Variants in NTN1 observed in about 807,000 individuals in gnomAD.
The protein encoded by NTN1 is netrin-1.
A neutral mutation model predicts 54.2 loss-of-function variants in NTN1; 11 were observed. That is an observed-to-expected ratio of 0.20 (90% confidence interval 0.13 to 0.34). NTN1 has a LOEUF of 0.34. Ranked by LOEUF, NTN1 falls within the 10% of genes least tolerant of loss-of-function variation. The pLI is 1.00. For synonymous variants in NTN1, 371 were observed against 382.0 expected, an observed-to-expected ratio of 0.97 and a Z score of 0.33; for missense variants, 740 against 893.1, an observed-to-expected ratio of 0.83 and a Z score of 2.18.
At chr17:9,007,537 C>T in the NTN1 span, among the ~76,000 whole-genome samples, 31 of 146,230 alleles carry the variant, frequency 2.1e-4, no homozygotes, top group Admixed American at 1.2e-3. Context: ...TCCCTCCCTC[C>T]CTTCCTTCCT....
intron 1 of NTN1, 59 bp from the exon 2 acceptor site, chr17:9,022,252 C>A (rs1309979822): frequency 8.9e-7 from 1 of 1,120,082 alleles, no homozygotes; most frequent in Non-Finnish European, 1.1e-6. Flanking sequence ...CTCGCCACCC[C>A]GCCGAGAGCT....
intron 2 of NTN1, among the ~76,000 whole-genome samples, chr17:9,060,084 AGCGTACAGTTG>A (rs1190161153): frequency 6.6e-6 from 1 of 152,130 alleles, no homozygotes; most frequent in African/African-American, 2.4e-5. Flanking sequence ...CATAATGATA[AGCGTACAGTTG>A]GCCCTCGAAC....
chr17:9,081,052 C>T (rs867746264), intron 2 of NTN1, among the ~76,000 whole-genome samples: 18 of 152,174 alleles, frequency 1.2e-4, no homozygotes, highest in African/African-American at 3.6e-4. Flanking sequence ...TGGTCAGAAG[C>T]ACAAGTAAAA....
Position 9,218,597 on chromosome 17 carries a change from CA to C in NTN1, c.1412-2570del, listed in dbSNP as rs1287301374. ...GGCTGGGACAGTGACGCTGAAGGGACAGGGGCAGGCTGTCCCAGGACTCATC... is the reference window on the plus strand; with the variant it reads ...GGCTGGGACAGTGACGCTGAAGGGACGGGGCAGGCTGTCCCAGGACTCATC... On this transcript the variant is annotated intron_variant, in intron 5 of 6. Coordinates refer to ENST00000173229, the MANE Select transcript of NTN1 (RefSeq NM_004822.3). Among the ~76,000 whole-genome samples, 12 of 152,292 alleles carry C rather than the reference CA, an allele frequency of 7.9e-5. No homozygotes were observed. The South Asian group carries it at 8.3e-4, about 11-fold the overall frequency.
chr17:9,033,917 C>CAAAAAA (rs58699789), intron 2 of NTN1, among the ~76,000 whole-genome samples: 3 of 106,418 alleles, frequency 2.8e-5, no homozygotes, highest in South Asian at 3.5e-4. Flanking sequence ...AACTCTGTCT[C>CAAAAAA]AAAAAAAAAA....
At chr17:9,095,819 A>C (rs1234191423) in intron 2 of NTN1, among the ~76,000 whole-genome samples, 1 of 151,330 alleles carries the variant, frequency 6.6e-6, no homozygotes, top group African/African-American at 2.4e-5. Flanking sequence ...TTTTTTTTTG[A>C]GATGGAGTCT....
chr17:9,240,053 T>G lies in NTN1; in HGVS notation c.*85T>G. On this transcript the variant is annotated 3_prime_UTR_variant, in exon 7 of 7. Transcript: ENST00000173229. ...CGCCTTGGCCCGGCCGCCGCGGACT[T>G]GGCCCGCGAGGGCTTTCCCAGGTGG... The G allele has an allele frequency of 1.7e-6, 1 of 593,610 alleles. No individual in the cohort carries two copies. 36.8% of individuals were successfully genotyped at this position (593,610 alleles called of 1,614,324 possible). A position where few individuals can be genotyped will look rare whatever the true frequency, so the allele number is the denominator to read the frequency against.
chr17:9,155,374 T>C (rs1469878236), intron 2 of NTN1, among the ~76,000 whole-genome samples: 1 of 147,112 alleles, frequency 6.8e-6, no homozygotes, highest in Non-Finnish European at 1.5e-5. Flanking sequence ...CGAGTTTTGC[T>C]CTTGTCGCCC....
Position 9,243,553 on chromosome 17 carries a change from G to A in NTN1, c.*3585G>A, listed in dbSNP as rs1169629060. 2.6e-5 allele frequency: 4 copies of A among 152,206 alleles called. No individual in the cohort carries two copies. Among genetic ancestry groups the A allele is most frequent in the Non-Finnish European group, 5.9e-5 (4 of 68,098 alleles). 9.4% of individuals were successfully genotyped at this position (152,206 alleles called of 1,614,324 possible). ...GATGGGGCCACTGGCCATGGTCCGT[G>A]GACAAGACATTCCTGTGGGCCATGG... On this transcript the variant is annotated 3_prime_UTR_variant, in exon 7 of 7. Transcript: ENST00000173229.
At chr17:9,092,390 C>T (rs953821333) in intron 2 of NTN1, among the ~76,000 whole-genome samples, 16 of 141,350 alleles carry the variant, frequency 1.1e-4, no homozygotes, top group Admixed American at 3.1e-4. Flanking sequence ...CAGATTCAAG[C>T]GATTCTCATG....
At position 9,022,447 on chromosome 17, in the gene NTN1, G is replaced by C. The variant is rs2091853463; in HGVS notation, c.74G>C (p.Gly25Ala). Residue 25 changes from glycine to alanine, a missense_variant, in exon 2 of 7, where the codon GGG (glycine) becomes GCG (alanine). Physicochemically the swap from Gly to Ala is moderately conservative, Grantham distance 60. Coordinates refer to ENST00000173229, the MANE Select transcript of NTN1 (RefSeq NM_004822.3). ...TGCCTGGTGGGCGCGGTGCGCGGCG[G>C]GCCCGGGCTCAGCATGTTCGCGGGC... ...VACLVGAVRG[G>A]PGLSMFAGQA... The C allele has an allele frequency of 1.4e-6, 2 of 1,456,762 alleles. No individual in the cohort carries two copies. The highest frequency in any genetic ancestry group is 1.8e-6 in the Non-Finnish European group (2 of 1,112,174). The allele number at this position is 1,456,762 out of a possible 1,614,324, so 90.2% of individuals were successfully genotyped here.
At position 9,165,482 on chromosome 17, in the gene NTN1, GT is replaced by G. The variant is rs1209694160; in HGVS notation, c.1207+2482del. On this transcript the variant is annotated intron_variant, in intron 3 of 6. Transcript: ENST00000173229. This position sits in a 1 kb window ranked among gnomAD's most constrained non-coding sequence, Gnocchi z 4.5. The stretch of plus-strand genomic sequence containing the variant: ...TTCTTGTTTTACGAGTTACAACATT[GT>G]GGCCAGCCTAGGTGGCTGTGTTTTC... Among the ~76,000 whole-genome samples the G allele has an allele frequency of 1.2e-4, 18 of 152,192 alleles. No individual in the cohort carries two copies. Among genetic ancestry groups the G allele is most frequent in the Admixed American group, 1.2e-3 (18 of 15,282 alleles).
At chr17:9,059,117 T>G (rs556235530) in intron 2 of NTN1, among the ~76,000 whole-genome samples, 9 of 152,312 alleles carry the variant, frequency 5.9e-5, no homozygotes, top group African/African-American at 1.4e-4. Flanking sequence ...TCATTCATGG[T>G]GATGCCTACC....
At chr17:9,015,538 C>T in the NTN1 span, among the ~76,000 whole-genome samples, 1 of 152,192 alleles carries the variant, frequency 6.6e-6, no homozygotes, top group South Asian at 2.1e-4. Context: ...TCCCTCCTCA[C>T]AAACATTAGC....
At chr17:9,208,794 G>T (rs1905030669) in intron 5 of NTN1, among the ~76,000 whole-genome samples, 1 of 152,222 alleles carries the variant, frequency 6.6e-6, no homozygotes, top group Non-Finnish European at 1.5e-5. Context: ...GCCCTGCCTG[G>T]CTCTAGGCCT....
chr17:9,222,069 C>T (rs980060453), intron 6 of NTN1, among the ~76,000 whole-genome samples: 12 of 152,208 alleles, frequency 7.9e-5, no homozygotes, highest in Admixed American at 1.3e-4. Context: ...GTGGCTGAGG[C>T]CCCCACCATA....
intron 6 of NTN1, among the ~76,000 whole-genome samples, chr17:9,238,026 G>C (rs929733402): frequency 2.6e-5 from 4 of 152,168 alleles, no homozygotes; most frequent in African/African-American, 9.7e-5. Flanking sequence ...AGGATGACTC[G>C]GTTGGCATTC....
At chr17:9,193,973 C>T (rs9892752) in intron 5 of NTN1, among the ~76,000 whole-genome samples, 26,634 of 141,944 alleles carry the variant, frequency 0.19, 2,779 homozygotes, top group East Asian at 0.43. Flanking sequence ...CAGAGGCTCA[C>T]GCCTGTAATC....
chr17:9,239,493 T>A lies in NTN1; in HGVS notation c.1487-147T>A, dbSNP rs1906110158. On this transcript the variant is annotated intron_variant, in intron 6 of 6. Transcript: ENST00000173229. The surrounding 1 kb of genome is among the most constrained non-coding windows in gnomAD (Gnocchi z 5.2). ...TAGCAGGTGGGGGTCTACGATCAGC[T>A]TGCCACCACCCACGCGCTCCTGTAT... 2.8e-6 allele frequency: 2 copies of A among 704,230 alleles called. No homozygotes were observed. Among genetic ancestry groups the A allele is most frequent in the Non-Finnish European group, 4.7e-6 (2 of 427,806 alleles). 43.6% of individuals were successfully genotyped at this position (704,230 alleles called of 1,614,324 possible).
Sources: gnomAD v4.1 joint callset for allele counts (sites outside exome capture counted in the v4.1 genomes callset) on GRCh38, gnomAD v4.1.1 for gene constraint, Gnocchi (gnomAD v3.1) non-coding constraint, MANE v1.5 for transcripts, NCBI Gene and HGNC (gene_info 2026-07-23, HGNC 2026-07-21) for gene names.